APC: variants seen among roughly 807,000 people sequenced by gnomAD.
APC encodes adenomatous polyposis coli protein.
APC carries 72 observed loss-of-function variants against 247.0 expected under a neutral mutation model. The observed-to-expected ratio is 0.29, with a 90% CI of 0.24 to 0.35. The LOEUF (loss-of-function observed/expected upper bound fraction) is 0.35, where lower values mean the gene tolerates loss of function less well. Among genes scored for constraint, APC ranks in the 10% least tolerant of loss-of-function variants. The probability of loss-of-function intolerance (pLI) is 1.00; values close to 1 mark genes in which losing one functional copy is unlikely to be tolerated. For synonymous variants in APC, 1,254 were observed against 1,162.5 expected, an observed-to-expected ratio of 1.08 and a Z score of -1.60; for missense variants, 3,400 against 3,360.7, an observed-to-expected ratio of 1.01 and a Z score of -0.29.
intron 6 of APC, chr5:112,783,782 AAAG>A (rs1251556693): frequency 6.9e-5 from 27 of 392,016 alleles, no homozygotes; most frequent in Non-Finnish European, 1.1e-4. Context: ...AAAAAAAAAA[AAAG>A]AGAAAGAAAG....
upstream of APC, among the ~76,000 whole-genome samples, chr5:112,734,031 A>G (rs550647851): frequency 9.2e-5 from 14 of 152,340 alleles, no homozygotes; most frequent in Non-Finnish European, 1.8e-4. Context: ...GTAGAAGACT[A>G]TGAATATATC....
chr5:112,725,708 G>A (rs970457619), intron 1 of APC, among the ~76,000 whole-genome samples: 10 of 152,056 alleles, frequency 6.6e-5, no homozygotes, highest in African/African-American at 2.4e-4. Context: ...CTGCAGCAAG[G>A]TGTGATCATG....
At position 112,780,780 on chromosome 5, in the gene APC, GT is replaced by G. The variant is rs777844116; in HGVS notation, c.532-9del. The stretch of plus-strand genomic sequence containing the variant: ...AGATATTGATACTTTTTTATTATTT[GT>G]GGTTTTAGTTTTCCTTACAAACAGA... On this transcript the variant is annotated splice_polypyrimidine_tract_variant and intron_variant, in intron 5 of 15. Coordinates refer to ENST00000257430, the MANE Select transcript of APC (RefSeq NM_000038.6). The G allele has an allele frequency of 3.8e-5, 59 of 1,563,698 alleles. No homozygotes were observed. The highest frequency in any genetic ancestry group is 5.0e-5 in the Non-Finnish European group (57 of 1,136,162).
intron 7 of APC, among the ~76,000 whole-genome samples, 173 bp downstream of exon 7, chr5:112,792,702 T>G (rs997472716): frequency 6.6e-6 from 1 of 152,222 alleles, no homozygotes; most frequent in Non-Finnish European, 1.5e-5. Context: ...ACTATTTTGA[T>G]TTTATCTAAC....
chr5:112,788,933 C>G (rs991167096), intron 6 of APC, among the ~76,000 whole-genome samples: 1 of 152,090 alleles, frequency 6.6e-6, no homozygotes, highest in African/African-American at 2.4e-5. Context: ...TGTGTAAGAA[C>G]TCTAATACAT....
At chr5:112,751,278 T>C (rs751580919) in intron 1 of APC, among the ~76,000 whole-genome samples, 1 of 152,104 alleles carries the variant, frequency 6.6e-6, no homozygotes, top group Non-Finnish European at 1.5e-5. Flanking sequence ...GTTTTAATTA[T>C]AAAGGCTTTG....
At chr5:112,734,684 A>ATATT (rs1450362408), upstream of APC, among the ~76,000 whole-genome samples, 1 of 152,166 alleles carries the variant, frequency 6.6e-6, no homozygotes, top group Admixed American at 6.5e-5. Context: ...ACACTAGTTA[A>ATATT]TATTGTCAAT....
At chr5:112,827,842 AACTGAATTAG>A in intron 12 of APC, 77 bp from the exon 13 acceptor site, 1 of 1,066,338 alleles carries the variant, frequency 9.4e-7, no homozygotes, top group Non-Finnish European at 1.4e-6. Context: ...AAATAATGAA[AACTGAATTAG>A]ACATTTAGTA....
Position 112,835,290 on chromosome 5 carries a change from A to T in APC, c.1958+125A>T. The T allele has an allele frequency of 3.6e-6, 3 of 832,824 alleles. No homozygotes were observed. In the South Asian group the frequency reaches 4.7e-5, roughly 13 times the overall value. 51.6% of individuals were successfully genotyped at this position (832,824 alleles called of 1,614,324 possible). ...CCAAAATATATTTATTACTGTGAAAAGATAACTACTAACTCTTAGTTTAAC... is the reference window on the plus strand; with the variant it reads ...CCAAAATATATTTATTACTGTGAAATGATAACTACTAACTCTTAGTTTAAC... On this transcript the variant is annotated intron_variant, in intron 15 of 15. Coordinates refer to ENST00000257430, the MANE Select transcript of APC (RefSeq NM_000038.6).
chr5:112,774,193 A>T (rs1757349167), intron 4 of APC, among the ~76,000 whole-genome samples: 1 of 152,162 alleles, frequency 6.6e-6, no homozygotes, highest in Non-Finnish European at 1.5e-5. Context: ...ATTTATGAAT[A>T]CTAGGGAATT....
At chr5:112,812,213 G>C (rs540498344) in intron 8 of APC, among the ~76,000 whole-genome samples, 2 of 152,134 alleles carry the variant, frequency 1.3e-5, no homozygotes, top group Non-Finnish European at 2.9e-5. Context: ...ACAAAAACGC[G>C]TGAATACCAG....
intron 1 of APC, among the ~76,000 whole-genome samples, chr5:112,723,966 TG>T (rs1336321896): frequency 6.6e-6 from 1 of 151,988 alleles, no homozygotes; most frequent in Non-Finnish European, 1.5e-5. Flanking sequence ...AAAATTCAGA[TG>T]AAAAAAAGAG....
intron 5 of APC, among the ~76,000 whole-genome samples, chr5:112,780,508 G>A (rs953141366): frequency 6.6e-6 from 1 of 152,038 alleles, no homozygotes; most frequent in African/African-American, 2.4e-5. Context: ...CACTCTAACT[G>A]GACCAATTAT....
intron 1 of APC, among the ~76,000 whole-genome samples, chr5:112,746,477 G>A (rs570514171): frequency 6.6e-6 from 1 of 152,166 alleles, no homozygotes; most frequent in African/African-American, 2.4e-5. Flanking sequence ...AGTGAAATAT[G>A]GAAAAATCAA....
chr5:112,780,839 G>A lies in APC; in HGVS notation c.581G>A (p.Arg194Lys), dbSNP rs200740020. Residue 194 changes from arginine (R) to lysine (K), a missense_variant, in exon 6 of 16, where the codon AGG becomes AAG. Physicochemically the swap from Arg to Lys is conservative, Grantham distance 26. Around this residue, in one of 9 missense-constraint regions of APC, gnomAD observed 372 missense variants for 367.6 expected, o/e 1.01. Coordinates refer to ENST00000257430, the MANE Select transcript of APC (RefSeq NM_000038.6). ...AGAAGGCAATTGGAATATGAAGCAA[G>A]GCAAATCAGAGTTGCGATGGAAGAA... ...MTRRQLEYEARQIRVAMEEQL... is the reference protein window; with the variant it reads ...MTRRQLEYEAKQIRVAMEEQL... 2 of 1,613,510 alleles carry A rather than the reference G, an allele frequency of 1.2e-6. No homozygotes were observed. The highest frequency in any genetic ancestry group is 2.2e-5 in the East Asian group (1 of 44,798).
chr5:112,797,600 T>G (rs1760351102), intron 7 of APC, among the ~76,000 whole-genome samples: 1 of 152,216 alleles, frequency 6.6e-6, no homozygotes, highest in Non-Finnish European at 1.5e-5. Flanking sequence ...TCTTGTGTGT[T>G]CTTCCAGACA....
intron 1 of APC, among the ~76,000 whole-genome samples, chr5:112,716,216 T>C (rs1751162350): frequency 6.6e-6 from 1 of 152,162 alleles, no homozygotes; most frequent in African/African-American, 2.4e-5. Flanking sequence ...AACATTCCCC[T>C]CTAAGCGCCA....
In APC at chr5:112,765,976, A is replaced by G. The variant is rs78418904; in HGVS notation, c.136-350A>G. On this transcript the variant is annotated intron_variant, in intron 2 of 15. Coordinates refer to ENST00000257430, the MANE Select transcript of APC (RefSeq NM_000038.6). ...CTTAAGAGACATGGATTCTAAACACATAAGTAGCTTTTGTAACTTGAGCAA... is the reference window on the plus strand; with the variant it reads ...CTTAAGAGACATGGATTCTAAACACGTAAGTAGCTTTTGTAACTTGAGCAA... 0.023 allele frequency among the ~76,000 whole-genome samples: 3,466 copies of G among 152,290 alleles called. 113 individuals carry two copies. Among genetic ancestry groups the G allele is most frequent in the East Asian group, 0.13 (683 of 5,178 alleles).
In APC at chr5:112,843,271, T is replaced by G. The variant is rs2149991793; in HGVS notation, c.7677T>G (p.Pro2559=). 2 of 1,613,662 alleles carry G rather than the reference T, an allele frequency of 1.2e-6. No homozygotes were observed. The highest frequency in any genetic ancestry group is 1.7e-6 in the Non-Finnish European group (2 of 1,179,600). ...REHSKHSSSL[P]RVSTWRRTGS... is the part of the protein sequence containing the mutation. ...ACAGCAAACATTCATCATCCCTTCC[T>G]CGAGTAAGCACTTGGAGAAGAACTG... The change falls in exon 16 of 16, where the codon CCT becomes CCG. Residue 2559 remains proline, a synonymous_variant. Transcript: ENST00000257430. This position sits in a 1 kb window ranked among gnomAD's most constrained non-coding sequence, Gnocchi z 4.8.
Sources: gnomAD v4.1 joint callset for allele counts (sites outside exome capture counted in the v4.1 genomes callset) on GRCh38, gnomAD v4.1.1 for gene constraint, gnomAD v4.1.1 regional missense constraint, Gnocchi (gnomAD v3.1) non-coding constraint, MANE v1.5 for transcripts, NCBI Gene and HGNC (gene_info 2026-07-23, HGNC 2026-07-21) for gene names.